Variants in ITGBL1 observed in about 807,000 individuals in gnomAD.
ITGBL1 encodes the protein integrin subunit beta like 1.
In ITGBL1, 51 loss-of-function variants were observed where a neutral mutation model predicts 68.5. That is an observed-to-expected ratio of 0.74 (90% confidence interval 0.59 to 0.94). The LOEUF (loss-of-function observed/expected upper bound fraction) is 0.94. Among genes scored for constraint, ITGBL1 ranks in the 40% least tolerant of loss-of-function variants. The probability of loss-of-function intolerance (pLI) is 0.00; values close to 1 mark genes in which losing one functional copy is unlikely to be tolerated. For missense variants in ITGBL1, 649 were observed against 647.4 expected (o/e 1.00, Z -0.03); for synonymous variants, 209 against 227.3 (o/e 0.92, Z 0.72).
chr13:101,711,490 AC>A (rs1175112602), intron 9 of ITGBL1: 1 of 152,254 alleles, frequency 6.6e-6, no homozygotes, highest in Non-Finnish European at 1.5e-5. Context: ...GTGCAGTCAG[AC>A]CTGCAGGAAG....
chr13:101,700,764 T>C (rs1798071905), intron 8 of ITGBL1, among the ~76,000 whole-genome samples: 1 of 152,232 alleles, frequency 6.6e-6, no homozygotes, highest in Non-Finnish European at 1.5e-5. Context: ...TGCCAAGCTA[T>C]TTCTTGTCCC....
chr13:101,453,808 G>A lies in ITGBL1; in HGVS notation c.99-75G>A, dbSNP rs905347700. The A allele has an allele frequency of 2.4e-5, 24 of 993,580 alleles. No individual in the cohort carries two copies. In the African/African-American group the frequency reaches 3.0e-4, roughly 13 times the overall value. 61.5% of individuals were successfully genotyped at this position (993,580 alleles called of 1,614,324 possible). ...GTCTGCACCTGGAGGGGACACTGGG[G>A]AGGAAACGTGGGTTCGGAGCAGGGG... On this transcript the variant is annotated intron_variant, in intron 1 of 10. Transcript: ENST00000376180.
At chr13:101,467,515 A>G (rs1316894835) in intron 2 of ITGBL1, among the ~76,000 whole-genome samples, 2 of 152,200 alleles carry the variant, frequency 1.3e-5, no homozygotes, top group African/African-American at 4.8e-5. Context: ...TTTTCTTTGG[A>G]AAAGGAGTGC....
chr13:101,520,722 G>A (rs1326493828), intron 2 of ITGBL1, among the ~76,000 whole-genome samples: 1 of 152,222 alleles, frequency 6.6e-6, no homozygotes, highest in African/African-American at 2.4e-5. Flanking sequence ...GGAAAGAAAA[G>A]CAAGTTTAAG....
At chr13:101,571,752 A>G (rs1160016565) in intron 3 of ITGBL1, among the ~76,000 whole-genome samples, 1 of 152,046 alleles carries the variant, frequency 6.6e-6, no homozygotes, top group Non-Finnish European at 1.5e-5. Flanking sequence ...TTGTGCTTTC[A>G]TTCCATGTGT....
At chr13:101,714,589 G>C in intron 10 of ITGBL1, 38 bp downstream of exon 10, 4 of 1,195,788 alleles carry the variant, frequency 3.3e-6, no homozygotes, top group Non-Finnish European at 5.0e-6. Flanking sequence ...CTATGCCACA[G>C]TTTGTTATAG....
At chr13:101,564,962 A>G (rs1216989463) in intron 2 of ITGBL1, among the ~76,000 whole-genome samples, 2 of 152,090 alleles carry the variant, frequency 1.3e-5, no homozygotes, top group African/African-American at 4.8e-5. Context: ...CACTGCCACA[A>G]GCCAAGAAAT....
At chr13:101,589,768 A>G (rs1379150131) in intron 6 of ITGBL1, among the ~76,000 whole-genome samples, 1 of 152,212 alleles carries the variant, frequency 6.6e-6, no homozygotes, top group Non-Finnish European at 1.5e-5. Context: ...GTAAGGACAC[A>G]TATATATTCT....
At position 101,670,475 on chromosome 13, in the gene ITGBL1, A is replaced by C. The variant is rs2033330915; in HGVS notation, c.1016-22110A>C. Among the ~76,000 whole-genome samples, 3 of 152,208 alleles carry C rather than the reference A, an allele frequency of 2.0e-5. No individual in the cohort carries two copies. In the South Asian group the frequency reaches 6.2e-4, roughly 32 times the overall value. On this transcript the variant is annotated intron_variant, in intron 7 of 10. Coordinates refer to ENST00000376180, the MANE Select transcript of ITGBL1 (RefSeq NM_004791.3). ...ATGTTGTCTTACTAGGTTTTTCATT[A>C]GTGAGGGAAACTGAGCTTTGAAAGA... is the stretch of plus-strand genomic sequence containing the variant.
At chr13:101,473,134 C>T (rs1298039851) in intron 2 of ITGBL1, among the ~76,000 whole-genome samples, 1 of 152,130 alleles carries the variant, frequency 6.6e-6, no homozygotes, top group East Asian at 1.9e-4. Flanking sequence ...TCATCCACCC[C>T]ACAGAAACAC....
At chr13:101,692,482 A>T (rs2033901488) in intron 7 of ITGBL1, 103 bp from the exon 8 acceptor site, 1 of 755,512 alleles carries the variant, frequency 1.3e-6, no homozygotes, top group Non-Finnish European at 2.4e-6. Context: ...ACAGACTGGA[A>T]CTATTCTAGG....
At chr13:101,502,358 C>A (rs1235611181) in intron 2 of ITGBL1, among the ~76,000 whole-genome samples, 4 of 152,142 alleles carry the variant, frequency 2.6e-5, no homozygotes, top group African/African-American at 9.7e-5. Flanking sequence ...GTGTCCCATC[C>A]TAAGTTTGTT....
intron 10 of ITGBL1, chr13:101,714,799 C>G: frequency 2.0e-6 from 1 of 497,754 alleles, no homozygotes; most frequent in Non-Finnish European, 3.6e-6. Context: ...ACAAAGTAAC[C>G]TCCCCACCCT....
chr13:101,635,088 A>G (rs1378444752), intron 7 of ITGBL1, among the ~76,000 whole-genome samples: 4 of 151,988 alleles, frequency 2.6e-5, no homozygotes, highest in Non-Finnish European at 5.9e-5. Flanking sequence ...ATTGTATATT[A>G]TATAGTCAAA....
intron 7 of ITGBL1, among the ~76,000 whole-genome samples, chr13:101,626,360 T>C (rs942252212): frequency 2.0e-5 from 3 of 152,206 alleles, no homozygotes; most frequent in South Asian, 4.1e-4. Context: ...AGAATGAGTT[T>C]TGTGGACATT....
At chr13:101,669,848 G>T (rs895105701) in intron 7 of ITGBL1, among the ~76,000 whole-genome samples, 3 of 152,132 alleles carry the variant, frequency 2.0e-5, no homozygotes, top group African/African-American at 7.2e-5. Flanking sequence ...TGTCTCAGAA[G>T]TTCAACTTTT....
At chr13:101,543,667 C>T (rs2049757250) in intron 2 of ITGBL1, among the ~76,000 whole-genome samples, 1 of 152,270 alleles carries the variant, frequency 6.6e-6, no homozygotes. Context: ...CAACTTGGTT[C>T]CATTCTCCCT....
intron 7 of ITGBL1, among the ~76,000 whole-genome samples, chr13:101,640,734 A>C (rs2032337426): frequency 6.6e-6 from 1 of 152,128 alleles, no homozygotes; most frequent in Non-Finnish European, 1.5e-5. Context: ...CCAGGCAAAG[A>C]GCATGGTACC....
intron 2 of ITGBL1, among the ~76,000 whole-genome samples, chr13:101,455,424 T>TGG (rs993944273): frequency 1.8e-4 from 28 of 152,268 alleles, no homozygotes; most frequent in African/African-American, 5.1e-4. Flanking sequence ...CCCAGCACTT[T>TGG]GGGAGGCCGA....
Sources: allele counts gnomAD v4.1 joint callset (sites outside exome capture counted in the v4.1 genomes callset), GRCh38; gene constraint gnomAD v4.1.1; transcripts MANE v1.5; gene names NCBI Gene and HGNC (gene_info 2026-07-23, HGNC 2026-07-21).